MICAL2: variants seen among roughly 807,000 people sequenced by gnomAD.
The protein encoded by MICAL2 is microtubule associated monooxygenase, calponin and LIM domain containing 2.
Under a neutral mutation model 127.3 loss-of-function variants are expected in MICAL2, and 77 were observed. That is an observed-to-expected ratio of 0.60 (90% CI 0.50 to 0.73). The LOEUF (loss-of-function observed/expected upper bound fraction) is 0.73. MICAL2 is among the 30% of genes least tolerant of loss of function. The probability of loss-of-function intolerance (pLI) is 0.00; values close to 1 mark genes in which losing one functional copy is unlikely to be tolerated. For missense variants in MICAL2, 1,351 were observed against 1,434.4 expected (o/e 0.94, Z 0.94); for synonymous variants, 570 against 551.1 (o/e 1.03, Z -0.48).
chr11:12,316,686 A>C (rs1165225425), intron 29 of MICAL2, among the ~76,000 whole-genome samples: 1 of 151,850 alleles, frequency 6.6e-6, no homozygotes, highest in African/African-American at 2.4e-5. Context: ...CTGCTTTTTT[A>C]CATATCTAGT....
At chr11:12,155,892 T>G (rs1720259611) in intron 2 of MICAL2, among the ~76,000 whole-genome samples, 1 of 152,094 alleles carries the variant, frequency 6.6e-6, no homozygotes, top group Non-Finnish European at 1.5e-5. Flanking sequence ...GCCTGGAGGG[T>G]GGGCACTGCC....
chr11:12,284,218 C>G (rs1299643477), intron 2 of MICAL2, among the ~76,000 whole-genome samples: 1 of 152,126 alleles, frequency 6.6e-6, no homozygotes, highest in African/African-American at 2.4e-5. Context: ...TGATATTTAT[C>G]CATCTTTTTT....
At chr11:12,212,821 G>C in intron 6 of MICAL2, among the ~76,000 whole-genome samples, 1 of 152,180 alleles carries the variant, frequency 6.6e-6, no homozygotes, top group East Asian at 1.9e-4. Flanking sequence ...TAAAATCCCT[G>C]TCCTGCAGGA....
In MICAL2 at chr11:12,242,314, C is replaced by G. The variant is rs887609400; in HGVS notation, c.2438C>G (p.Ser813Cys). The part of the protein sequence containing the change: ...LSRPWRARAK[S>C]DLQLGGTENF... ...AGACCTTGGAGAGCCAGAGCCAAGT[C>G]TGACCTACAGCTGGGTGGGACAGAA... Residue 813 changes from serine to cysteine, a missense_variant, in exon 19 of 28, where the codon TCT (serine) becomes TGT (cysteine). This residue lies in a region of MICAL2 where 752 missense variants were observed against 719.4 expected (regional missense o/e 1.05). Transcript: ENST00000683283. 1.9e-6 allele frequency: 3 copies of G among 1,614,188 alleles called. No homozygotes were observed. The highest frequency in any genetic ancestry group is 2.5e-6 in the Non-Finnish European group (3 of 1,180,004).
At chr11:12,200,358 C>T (rs945128218) in intron 3 of MICAL2, among the ~76,000 whole-genome samples, 3 of 152,198 alleles carry the variant, frequency 2.0e-5, no homozygotes. Context: ...CGAGTTATCA[C>T]AACCCTTTGC....
At chr11:12,226,102 G>A in intron 13 of MICAL2, 69 bp from the exon 14 acceptor site, 2 of 1,496,014 alleles carry the variant, frequency 1.3e-6, no homozygotes, top group South Asian at 2.3e-5. Flanking sequence ...CTTACCACCT[G>A]AAGGTGCTCA....
chr11:12,225,851 TTAAAAA>T, intron 13 of MICAL2: 1 of 321,640 alleles, frequency 3.1e-6, no homozygotes, highest in Non-Finnish European at 5.8e-6. Flanking sequence ...ACTTTTGTAA[TTAAAAA>T]GAAAAAAAGT....
At chr11:12,212,789 T>G (rs1354425054) in intron 6 of MICAL2, among the ~76,000 whole-genome samples, 1 of 152,034 alleles carries the variant, frequency 6.6e-6, no homozygotes, top group African/African-American at 2.4e-5. Flanking sequence ...CCCAAAAAAT[T>G]GGAGATATGA....
At chr11:12,180,741 A>T (rs1362299286) in intron 3 of MICAL2, among the ~76,000 whole-genome samples, 2 of 141,402 alleles carry the variant, frequency 1.4e-5, no homozygotes, top group East Asian at 4.1e-4. Context: ...GAAGAATGTG[A>T]CAGTGTTCAA....
chr11:12,235,513 C>T (rs902039381), intron 15 of MICAL2, among the ~76,000 whole-genome samples: 1 of 152,182 alleles, frequency 6.6e-6, no homozygotes, highest in Non-Finnish European at 1.5e-5. Flanking sequence ...AACTACCCTC[C>T]ACCTCCAACA....
intron 8 of MICAL2, 177 bp downstream of exon 8, chr11:12,216,496 C>T (rs545735672): frequency 1.3e-4 from 77 of 597,014 alleles, no homozygotes; most frequent in African/African-American, 8.7e-4. Flanking sequence ...AAGGAGCCCA[C>T]GCCAATATGC....
chr11:12,191,193 G>A (rs1178513542), intron 3 of MICAL2, among the ~76,000 whole-genome samples: 7 of 152,186 alleles, frequency 4.6e-5, no homozygotes, highest in Admixed American at 6.5e-5. Context: ...GGCCGGGTGC[G>A]GTGGCCCACG....
rs769329735 is a variant in MICAL2, at chr11:12,227,129, C to T, written c.1993C>T (p.Arg665Trp). The change falls in exon 15 of 28, where the codon CGG becomes TGG. Residue 665 changes from arginine (R) to tryptophan (W), a missense_variant and splice_region_variant. This residue lies in a region of MICAL2 where 752 missense variants were observed against 719.4 expected (regional missense o/e 1.05). Coordinates refer to ENST00000683283, the MANE Select transcript of MICAL2 (RefSeq NM_001282663.2). ...NLTFPRKRTP[R>W]VDGQTGENDM... ...CACATTTCCAAGGAAGAGGACTCCA[C>T]GGGTAAGTTTTGGCCTGGTTTCGGT... 1.6e-4 allele frequency: 251 copies of T among 1,610,394 alleles called. 1 individual carries two copies. The highest frequency in any genetic ancestry group is 2.9e-4 in the East Asian group (13 of 44,834).
intron 1 of MICAL2, chr11:12,276,337 A>G (rs1043672806): frequency 2.3e-5 from 9 of 395,716 alleles, no homozygotes; most frequent in Non-Finnish European, 3.6e-5. Context: ...GAGTGGTAAG[A>G]TTCACAGAAT....
intron 22 of MICAL2, among the ~76,000 whole-genome samples, chr11:12,252,073 C>A (rs1307370706): frequency 2.0e-5 from 3 of 152,132 alleles, no homozygotes; most frequent in Non-Finnish European, 4.4e-5. Context: ...GCAGGCAGTG[C>A]TGAGAATATA....
At chr11:12,240,212 T>C (rs1263594822) in intron 17 of MICAL2, among the ~76,000 whole-genome samples, 1 of 152,186 alleles carries the variant, frequency 6.6e-6, no homozygotes, top group East Asian at 1.9e-4. Context: ...AGTGTGAGGC[T>C]GGAGGAGGCA....
chr11:12,216,465 G>C (rs1235755175), intron 8 of MICAL2, 146 bp downstream of exon 8: 2 of 648,166 alleles, frequency 3.1e-6, no homozygotes, highest in Non-Finnish European at 5.5e-6. Context: ...CTTTTTCTTG[G>C]TGTTACATGA....
intron 32 of MICAL2, among the ~76,000 whole-genome samples, chr11:12,339,284 G>A (rs147094712): frequency 0.011 from 1,744 of 152,262 alleles, 40 homozygotes; most frequent in African/African-American, 0.038. Context: ...TTCTCGTGCC[G>A]TGGTTTTCAG....
At chr11:12,144,517 C>T (rs1466399455) in intron 2 of MICAL2, among the ~76,000 whole-genome samples, 1 of 152,168 alleles carries the variant, frequency 6.6e-6, no homozygotes, top group African/African-American at 2.4e-5. Flanking sequence ...AGGAATGTGG[C>T]CTCTGAGTGT....
Sources: gnomAD v4.1 joint callset for allele counts (sites outside exome capture counted in the v4.1 genomes callset) on GRCh38, gnomAD v4.1.1 for gene constraint, gnomAD v4.1.1 regional missense constraint, MANE v1.5 for transcripts, NCBI Gene and HGNC (gene_info 2026-07-23, HGNC 2026-07-21) for gene names.